Variants in HADH observed in about 807,000 individuals in gnomAD.
The protein encoded by HADH is hydroxyacyl-CoA dehydrogenase, also known as hydroxyacyl-coenzyme A dehydrogenase, mitochondrial.
A neutral mutation model predicts 32.2 loss-of-function variants in HADH; 24 were observed. That is an observed-to-expected ratio of 0.75 (90% confidence interval 0.54 to 1.05). The LOEUF is 1.05. Ranked by LOEUF, HADH falls within the 50% of genes least tolerant of loss-of-function variation. The pLI, the probability that HADH is intolerant of heterozygous loss-of-function variation, is 0.00. For missense variants in HADH, 350 were observed against 397.1 expected, an observed-to-expected ratio of 0.88 and a Z score of 1.01; for synonymous variants, 139 against 152.5, an observed-to-expected ratio of 0.91 and a Z score of 0.65.
At chr4:107,993,435 C>G (rs1181194124) in intron 1 of HADH, among the ~76,000 whole-genome samples, 4 of 152,298 alleles carry the variant, frequency 2.6e-5, no homozygotes, top group Non-Finnish European at 2.9e-5. Context: ...GGTTATGTTA[C>G]TGATTTTCAT....
At chr4:107,990,184 C>G in intron 1 of HADH, 120 bp downstream of exon 1, 1 of 1,034,978 alleles carries the variant, frequency 9.7e-7, no homozygotes, top group South Asian at 1.6e-5. Context: ...TTTCACCCCG[C>G]GCCTCCCGGG....
At chr4:108,001,579 G>A (rs1387624791) in intron 1 of HADH, among the ~76,000 whole-genome samples, 1 of 152,216 alleles carries the variant, frequency 6.6e-6, no homozygotes, top group Admixed American at 6.5e-5. Context: ...CTTACGAGGG[G>A]AGGGAGTACA....
chr4:108,031,692 G>C (rs2126240760), intron 6 of HADH: 1 of 152,262 alleles, frequency 6.6e-6, no homozygotes, highest in Middle Eastern at 3.4e-3. Context: ...ACACAGAGCT[G>C]TGTGAGTCAT....
intron 1 of HADH, among the ~76,000 whole-genome samples, chr4:108,003,105 C>CTTTTT (rs11390276): frequency 2.9e-4 from 36 of 124,176 alleles, no homozygotes; most frequent in South Asian, 8.4e-4. Flanking sequence ...GTGTCTTAGT[C>CTTTTT]TTTTTTTTTT....
At chr4:108,022,252 C>T (rs117248063) in intron 4 of HADH, among the ~76,000 whole-genome samples, 1,606 of 121,416 alleles carry the variant, frequency 0.013, 53 homozygotes, top group Admixed American at 0.074. Context: ...TGAATAAACA[C>T]GCATCTCTCC....
intron 4 of HADH, among the ~76,000 whole-genome samples, chr4:108,020,370 T>C (rs1003434288): frequency 1.3e-5 from 2 of 152,094 alleles, no homozygotes; most frequent in African/African-American, 2.4e-5. Context: ...CTTGGAAGGC[T>C]GAAGTGGGAG....
In HADH at chr4:108,032,857, C is replaced by G. The variant is rs13116685; in HGVS notation, c.710-319C>G. The G allele has an allele frequency of 0.82, 321,566 of 393,304 alleles. 135,216 individuals are homozygous for G. Among genetic ancestry groups the G allele is most frequent in the East Asian group, 0.96 (15,922 of 16,554 alleles). The allele number at this position is 393,304 out of a possible 1,614,324, so 24.4% of individuals were successfully genotyped here. On this transcript the variant is annotated intron_variant, in intron 6 of 7. Coordinates refer to ENST00000309522, the MANE Select transcript of HADH (RefSeq NM_005327.7). ...ATTAGCCTTGTGTGGGGGCGCACACCTGTAGTCTCAGCCACTAGGGAGGCT... is the reference window on the plus strand; with the variant it reads ...ATTAGCCTTGTGTGGGGGCGCACACGTGTAGTCTCAGCCACTAGGGAGGCT...
chr4:108,021,090 A>G (rs1735870982), intron 4 of HADH, among the ~76,000 whole-genome samples: 1 of 152,152 alleles, frequency 6.6e-6, no homozygotes, highest in Non-Finnish European at 1.5e-5. Context: ...AAATTGAAGA[A>G]TGAAGGGGAG....
rs1274785101 is a variant in HADH, at chr4:108,014,449, G to C, written c.280G>C (p.Glu94Gln). The C allele has an allele frequency of 1.2e-6, 2 of 1,613,976 alleles. No homozygotes were observed. The highest frequency in any genetic ancestry group is 1.7e-6 in the Non-Finnish European group (2 of 1,180,024). ...ENLKAGDEFVEKTLSTIATST... is the reference protein window; with the variant it reads ...ENLKAGDEFVQKTLSTIATST... ...GCATTAGGCCGGCGATGAATTTGTG[G>C]AGAAGACCCTGAGCACCATAGCGAC... The change falls in exon 3 of 8, where the codon GAG becomes CAG. Residue 94 changes from glutamate to glutamine, a missense_variant. Physicochemically the swap from Glu to Gln is conservative, Grantham distance 29. Transcript: ENST00000309522.
intron 1 of HADH, among the ~76,000 whole-genome samples, chr4:107,993,283 T>C (rs1161205435): frequency 2.0e-5 from 3 of 152,210 alleles, no homozygotes; most frequent in African/African-American, 7.2e-5. Context: ...TGCTTAATCT[T>C]GAATGCATAT....
chr4:108,019,478 A>G, intron 3 of HADH, 62 bp from the exon 4 acceptor site: 2 of 1,473,552 alleles, frequency 1.4e-6, no homozygotes, highest in Non-Finnish European at 1.9e-6. Context: ...TGCATCCAAG[A>G]GTCATGCTGT....
At chr4:108,009,021 G>A (rs547408197) in intron 1 of HADH, among the ~76,000 whole-genome samples, 2 of 152,258 alleles carry the variant, frequency 1.3e-5, no homozygotes, top group African/African-American at 2.4e-5. Flanking sequence ...CTTACCCTAG[G>A]ATTCCTCCCT....
chr4:108,020,251 C>T lies in HADH; in HGVS notation c.546+585C>T, dbSNP rs553051723. On this transcript the variant is annotated intron_variant, in intron 4 of 7. Coordinates refer to ENST00000309522, the MANE Select transcript of HADH (RefSeq NM_005327.7). ...TTTGGAGGTGGAAGTTAGTGGATTG[C>T]TTGAGACCCAGGGGTTCAAGAACAG... 2.0e-4 allele frequency among the ~76,000 whole-genome samples: 30 copies of T among 152,268 alleles called. 1 individual carries two copies. Among genetic ancestry groups the T allele is most frequent in the African/African-American group, 7.2e-4 (30 of 41,556 alleles).
intron 6 of HADH, chr4:108,031,630 G>A (rs1336366830): frequency 6.6e-6 from 1 of 152,174 alleles, no homozygotes; most frequent in Non-Finnish European, 1.5e-5. Context: ...CAGGCATGGG[G>A]GTGGTTTTGG....
intron 6 of HADH, chr4:108,028,605 T>C: frequency 5.5e-6 from 2 of 365,768 alleles, no homozygotes; most frequent in Non-Finnish European, 9.7e-6. Context: ...TTAAAACTTT[T>C]CTCTATGGTT....
chr4:108,025,047 T>G (rs1736014806), intron 5 of HADH: 1 of 152,172 alleles, frequency 6.6e-6, no homozygotes, highest in African/African-American at 2.4e-5. Context: ...CAAACTTCTG[T>G]AAAGGACCAG....
At chr4:108,012,934 T>C (rs1407472549) in intron 2 of HADH, among the ~76,000 whole-genome samples, 1 of 152,222 alleles carries the variant, frequency 6.6e-6, no homozygotes, top group African/African-American at 2.4e-5. Flanking sequence ...CTGTCCCTTA[T>C]ATTCTTTTTT....
Position 108,014,582 on chromosome 4 carries a change from C to T in HADH, c.413C>T (p.Ala138Val). ...CTCTTCAAAAGGCTGGACAAGTTTG[C>T]TGCTGAGTATGTAACCTCTGGACAA... Reference protein sequence around the residue: ...NELFKRLDKFAAEHTIFASNT... With the variant: ...NELFKRLDKFVAEHTIFASNT... The change falls in exon 3 of 8, where the codon GCT (alanine) becomes GTT (valine). Residue 138 changes from alanine (A) to valine (V), a missense_variant. Transcript: ENST00000309522. The T allele has an allele frequency of 1.2e-6, 2 of 1,612,070 alleles. No individual in the cohort carries two copies. The highest frequency in any genetic ancestry group is 2.7e-5 in the African/African-American group (2 of 74,858).
chr4:107,999,845 A>G (rs1322908391), intron 1 of HADH, among the ~76,000 whole-genome samples: 1 of 152,216 alleles, frequency 6.6e-6, no homozygotes, highest in Non-Finnish European at 1.5e-5. Flanking sequence ...TCTGAAACAG[A>G]TGAAAGTTAT....
Sources: allele counts gnomAD v4.1 joint callset (sites outside exome capture counted in the v4.1 genomes callset), GRCh38; gene constraint gnomAD v4.1.1; transcripts MANE v1.5; gene names NCBI Gene and HGNC (gene_info 2026-07-23, HGNC 2026-07-21).